Variants in MACC1 observed in about 807,000 individuals in gnomAD.
The protein encoded by MACC1 is metastasis-associated in colon cancer protein 1.
In MACC1, 79 loss-of-function variants were observed where a neutral mutation model predicts 70.7. The ratio of observed to expected loss-of-function variants is 1.12; its 90% CI spans 0.93 to 1.35. The LOEUF (loss-of-function observed/expected upper bound fraction) is 1.35. MACC1 is among the 40% of genes most tolerant of loss of function. The pLI is 0.00. For missense variants in MACC1, 1,106 were observed against 978.1 expected, an observed-to-expected ratio of 1.13 and a Z score of -1.74; for synonymous variants, 361 against 347.2, an observed-to-expected ratio of 1.04 and a Z score of -0.44.
chr7:20,211,499 C>A (rs1322950556), intron 1 of MACC1, among the ~76,000 whole-genome samples: 2 of 152,068 alleles, frequency 1.3e-5, no homozygotes, highest in African/African-American at 4.8e-5. Context: ...GATTTCAGAT[C>A]AAATTTTGCA....
intron 1 of MACC1, among the ~76,000 whole-genome samples, chr7:20,185,858 T>C (rs981111095): frequency 2.6e-5 from 4 of 152,312 alleles, no homozygotes; most frequent in Middle Eastern, 3.4e-3. Flanking sequence ...CATTTTGCAG[T>C]TGGGGAGACT....
intron 1 of MACC1, among the ~76,000 whole-genome samples, chr7:20,174,488 T>C (rs1435300645): frequency 9.2e-5 from 14 of 152,192 alleles, no homozygotes; most frequent in Admixed American, 8.5e-4. Flanking sequence ...TATAATGTTA[T>C]GGGCAAAAGC....
chr7:20,212,079 CTGCAGTGA>C (rs1305558207), intron 1 of MACC1, among the ~76,000 whole-genome samples: 1 of 152,158 alleles, frequency 6.6e-6, no homozygotes, highest in Non-Finnish European at 1.5e-5. Flanking sequence ...AAAACATACA[CTGCAGTGA>C]TATCGACAAA....
intron 6 of MACC1, among the ~76,000 whole-genome samples, chr7:20,147,183 T>C (rs1301280779): frequency 6.6e-6 from 1 of 152,134 alleles, no homozygotes; most frequent in Non-Finnish European, 1.5e-5. Flanking sequence ...AAAACATACA[T>C]AGTTTTCCAA....
At chr7:20,143,632 G>C (rs189436247) in intron 6 of MACC1, among the ~76,000 whole-genome samples, 1 of 151,684 alleles carries the variant, frequency 6.6e-6, no homozygotes, top group African/African-American at 2.4e-5. Flanking sequence ...CTCATGATCC[G>C]CCCGCCTCGG....
At chr7:20,156,766 TA>T (rs1349773896) in intron 5 of MACC1, among the ~76,000 whole-genome samples, 2 of 152,204 alleles carry the variant, frequency 1.3e-5, no homozygotes, top group Non-Finnish European at 2.9e-5. Flanking sequence ...GATAATGTTA[TA>T]TATATTTATT....
chr7:20,173,833 A>G lies in MACC1; in HGVS notation c.-217-3055T>C, dbSNP rs564836130. ...GTCACTGAGATTGATGCTCTTGGGT[A>G]TGATGGGGAAACTAGCTCTGAAAGT... On this transcript the variant is annotated intron_variant, in intron 1 of 6. Coordinates refer to ENST00000400331, the MANE Select transcript of MACC1 (RefSeq NM_182762.4). Among the ~76,000 whole-genome samples, 7 of 152,306 alleles carry G rather than the reference A, an allele frequency of 4.6e-5. No individual in the cohort carries two copies. In the East Asian group the frequency reaches 7.7e-4, roughly 17 times the overall value.
intron 1 of MACC1, chr7:20,198,460 G>T (rs1262835907): frequency 6.6e-6 from 1 of 152,228 alleles, no homozygotes; most frequent in Non-Finnish European, 1.5e-5. Flanking sequence ...ATGGATGTTG[G>T]TCTCCTAGTG....
intron 1 of MACC1, among the ~76,000 whole-genome samples, chr7:20,172,598 C>T (rs1782325523): frequency 6.6e-6 from 1 of 151,950 alleles, no homozygotes; most frequent in Admixed American, 6.6e-5. Flanking sequence ...GTGTTAAATT[C>T]TAGTGGAAAC....
chr7:20,209,390 C>T (rs111997348), intron 1 of MACC1, among the ~76,000 whole-genome samples: 1,852 of 152,310 alleles, frequency 0.012, 44 homozygotes, highest in African/African-American at 0.042. Context: ...CTTGCATCAG[C>T]GTGATGTGGA....
At position 20,138,552 on chromosome 7, in the gene MACC1, C is replaced by T. The variant is rs10258424; in HGVS notation, c.*2394G>A. 0.65 allele frequency: 97,761 copies of T among 151,436 alleles called. 31,894 individuals are homozygous for T. Among genetic ancestry groups the T allele is most frequent in the East Asian group, 0.86 (4,469 of 5,176 alleles). 9.4% of individuals were successfully genotyped at this position (151,436 alleles called of 1,614,324 possible). A position where few individuals can be genotyped will look rare whatever the true frequency, so the allele number is the denominator to read the frequency against. On this transcript the variant is annotated 3_prime_UTR_variant, in exon 7 of 7. Transcript: ENST00000400331. ...CTGTGTTCTGAAAGTAAAAACTGTG[C>T]TTTTTTTTCCTTCTCTCATAATTTA...
At chr7:20,192,169 C>T (rs79299445) in intron 1 of MACC1, among the ~76,000 whole-genome samples, 16,052 of 152,080 alleles carry the variant, frequency 0.11, 1,122 homozygotes, top group Non-Finnish European at 0.15. Flanking sequence ...TTCATGAAAC[C>T]ATGTTAATGC....
intron 6 of MACC1, chr7:20,153,668 T>A (rs1443729461): frequency 6.6e-6 from 1 of 152,548 alleles, no homozygotes; most frequent in African/African-American, 2.4e-5. Context: ...TGCCTGTAGT[T>A]ACTGTAGGCA....
At chr7:20,199,272 T>C (rs1421320834) in intron 1 of MACC1, among the ~76,000 whole-genome samples, 2 of 152,258 alleles carry the variant, frequency 1.3e-5, no homozygotes, top group Non-Finnish European at 2.9e-5. Flanking sequence ...TATTAGCTAC[T>C]AAGGTAGAAA....
At chr7:20,201,733 T>C (rs1782836376) in intron 1 of MACC1, among the ~76,000 whole-genome samples, 2 of 150,680 alleles carry the variant, frequency 1.3e-5, no homozygotes, top group Admixed American at 6.6e-5. Flanking sequence ...GTGGACAGAG[T>C]TCACCTTGTC....
chr7:20,158,817 G>C lies in MACC1; in HGVS notation c.1544C>G (p.Ser515Trp), dbSNP rs975263. ...CTTCTGCAAATAGCCTGGCAGATTC[G>C]AGAGTCTTTTTAGGTTTGGGGTTGG... ...PDPTPNLKRLSNLPGYLQKKE... is the reference protein window; with the variant it reads ...PDPTPNLKRLWNLPGYLQKKE... The change falls in exon 5 of 7, where the codon TCG (serine) becomes TGG (tryptophan). Residue 515 changes from serine (S) to tryptophan (W), a missense_variant. Transcript: ENST00000400331. 1 of 1,613,832 alleles carries C rather than the reference G, an allele frequency of 6.2e-7. No homozygotes were observed. Among genetic ancestry groups the C allele is most frequent in the East Asian group, 2.2e-5 (1 of 44,862 alleles).
intron 1 of MACC1, among the ~76,000 whole-genome samples, chr7:20,206,306 C>T (rs1782910226): frequency 6.6e-6 from 1 of 152,014 alleles, no homozygotes; most frequent in Non-Finnish European, 1.5e-5. Context: ...CTATCCCTGC[C>T]ACTCTACTGA....
chr7:20,174,717 G>C (rs1287126136), intron 1 of MACC1, among the ~76,000 whole-genome samples: 1 of 152,044 alleles, frequency 6.6e-6, no homozygotes, highest in African/African-American at 2.4e-5. Flanking sequence ...TATAGTAAAA[G>C]CATGTACTGT....
chr7:20,168,551 C>G (rs527657490), intron 2 of MACC1, among the ~76,000 whole-genome samples: 48 of 152,332 alleles, frequency 3.2e-4, no homozygotes, highest in African/African-American at 1.1e-3. Context: ...GAGCATGTAA[C>G]TACTGGGGAC....
Sources: allele counts gnomAD v4.1 joint callset (sites outside exome capture counted in the v4.1 genomes callset), GRCh38; gene constraint gnomAD v4.1.1; transcripts MANE v1.5; gene names NCBI Gene and HGNC (gene_info 2026-07-23, HGNC 2026-07-21).